CCDC24: variants seen among roughly 807,000 people sequenced by gnomAD.
The protein encoded by CCDC24 is coiled-coil domain containing 24.
A neutral mutation model predicts 31.6 loss-of-function variants in CCDC24; 34 were observed. The observed-to-expected ratio is 1.08, with a 90% CI of 0.82 to 1.43. The LOEUF is 1.43. Ranked by LOEUF, CCDC24 falls within the 40% of genes most tolerant of loss-of-function variation. CCDC24 has a pLI of 0.00. For missense variants in CCDC24, 426 were observed against 391.1 expected, an observed-to-expected ratio of 1.09 and a Z score of -0.75; for synonymous variants, 175 against 157.3, an observed-to-expected ratio of 1.11 and a Z score of -0.84.
At chr1:43,993,277 C>G (rs558124499) in intron 4 of CCDC24, among the ~76,000 whole-genome samples, 115 of 101,190 alleles carry the variant, frequency 1.1e-3, no homozygotes, top group African/African-American at 3.1e-3. Flanking sequence ...CCCATCTTTA[C>G]AAAAAGTGAA....
In CCDC24 at chr1:43,995,993, G is replaced by A. The variant is rs762726501; in HGVS notation, c.757G>A (p.Gly253Arg). The change falls in exon 9 of 9, where the codon GGG becomes AGG. Residue 253 changes from glycine to arginine, a missense_variant. Coordinates refer to ENST00000372318, the MANE Select transcript of CCDC24 (RefSeq NM_152499.4). This position sits in a 1 kb window ranked among gnomAD's most constrained non-coding sequence, Gnocchi z 4.3. Reference protein sequence around the residue: ...QGLRPPLPLCGVAPLQCCLPA... With the variant: ...QGLRPPLPLCRVAPLQCCLPA... Reference sequence around the variant, plus strand: ...CCTCAGACCCCCGCTTCCCCTCTGCGGGGTTGCACCTCTCCAGTGCTGCCT... The same window carrying A: ...CCTCAGACCCCCGCTTCCCCTCTGCAGGGTTGCACCTCTCCAGTGCTGCCT... 1.2e-5 allele frequency: 19 copies of A among 1,614,164 alleles called. No individual in the cohort carries two copies. The East Asian group carries it at 1.3e-4, about 11-fold the overall frequency.
intron 5 of CCDC24, 88 bp downstream of exon 5, chr1:43,994,052 G>A: frequency 1.6e-6 from 2 of 1,214,430 alleles, no homozygotes; most frequent in South Asian, 1.3e-5. Flanking sequence ...ACAGGAGGTG[G>A]GTAGTATACT....
In CCDC24 at chr1:43,992,617, C is replaced by T. The variant is rs757827373; in HGVS notation, c.397C>T (p.Gln133Ter). Residue 133 changes from glutamine (Q) to a stop codon, truncating the protein, a stop_gained, in exon 4 of 9, where the codon CAG becomes TAG. Transcript: ENST00000372318. LOFTEE classifies it high-confidence loss of function. ...RCDLPEQEIFQMRGGGPSSGH... is the reference protein window; with the variant it reads ...RCDLPEQEIF Reference sequence around the variant, plus strand: ...TGATTTGCCAGAACAGGAGATATTCCAGATGAGAGGTGGTGGGCCCAGGTA... The same window carrying T: ...TGATTTGCCAGAACAGGAGATATTCTAGATGAGAGGTGGTGGGCCCAGGTA... The T allele has an allele frequency of 7.4e-6, 12 of 1,614,070 alleles. No individual in the cohort carries two copies. The Admixed American group carries it at 2.0e-4, about 27-fold the overall frequency.
intron 4 of CCDC24, 47 bp from the exon 5 acceptor site, chr1:43,993,840 G>T (rs1372751853): frequency 1.3e-6 from 2 of 1,577,522 alleles, no homozygotes; most frequent in Non-Finnish European, 8.7e-7. Context: ...GGTCCTGAAG[G>T]CCTGGGGTGA....
In CCDC24 at chr1:43,995,967, G is replaced by A; in HGVS notation, c.731G>A (p.Gly244Asp). ...RQRPLGSSTQ[G>D]LRPPLPLCGV... Reference sequence around the variant, plus strand: ...CGGCCCTTGGGGTCCTCCACACAGGGCCTCAGACCCCCGCTTCCCCTCTGC... The same window carrying A: ...CGGCCCTTGGGGTCCTCCACACAGGACCTCAGACCCCCGCTTCCCCTCTGC... Residue 244 changes from glycine to aspartate, a missense_variant, in exon 9 of 9, where the codon GGC becomes GAC. Physicochemically the swap from Gly to Asp is moderately conservative, Grantham distance 94. Transcript: ENST00000372318. This position sits in a 1 kb window ranked among gnomAD's most constrained non-coding sequence, Gnocchi z 4.3. 6.2e-7 allele frequency: 1 copy of A among 1,614,154 alleles called. No homozygotes were observed. The highest frequency in any genetic ancestry group is 8.5e-7 in the Non-Finnish European group (1 of 1,180,012).
At chr1:43,993,996 G>A in intron 5 of CCDC24, 32 bp downstream of exon 5, 1 of 1,587,964 alleles carries the variant, frequency 6.3e-7, no homozygotes, top group Non-Finnish European at 8.6e-7. Flanking sequence ...ATGTGTATAG[G>A]CAGGGGTGGA....
intron 1 of CCDC24, 36 bp downstream of exon 1, chr1:43,991,782 C>G (rs1314273192): frequency 4.8e-6 from 7 of 1,462,168 alleles, no homozygotes; most frequent in Non-Finnish European, 6.5e-6. Context: ...CATAGAGGGG[C>G]GGGGTTTGGT....
At position 43,995,013 on chromosome 1, in the gene CCDC24, C is replaced by T; in HGVS notation, c.498-95C>T. 8.5e-7 allele frequency: 1 copy of T among 1,172,394 alleles called. No homozygotes were observed. Among genetic ancestry groups the T allele is most frequent in the Non-Finnish European group, 1.2e-6 (1 of 808,526 alleles). The allele number at this position is 1,172,394 out of a possible 1,614,324, so 72.6% of individuals were successfully genotyped here. A position where few individuals can be genotyped will look rare whatever the true frequency, so the allele number is the denominator to read the frequency against. The stretch of plus-strand genomic sequence containing the variant: ...CTGAGGAAGGACAGGTTGGGTGGGG[C>T]TCCTGCTGAGGCTGGAGGTTGGGGC... On this transcript the variant is annotated intron_variant, in intron 5 of 8. Transcript: ENST00000372318. The surrounding 1 kb of genome is among the most constrained non-coding windows in gnomAD (Gnocchi z 4.3).
chr1:43,991,891 T>TC lies in CCDC24; in HGVS notation c.18dup (p.Ser7LeufsTer60), dbSNP rs1165313775. 2.6e-6 allele frequency: 4 copies of TC among 1,550,840 alleles called. No individual in the cohort carries two copies. The highest frequency in any genetic ancestry group is 2.7e-5 in the African/African-American group (2 of 73,072). ...GCGTCGGTGGGTCATGCTCCGGCAC[T>TC]CCCCCTCGCTGTGGGAGCTGGTGGA... is the stretch of plus-strand genomic sequence containing the variant. On this transcript the variant is annotated frameshift_variant, in exon 2 of 9. Transcript: ENST00000372318. LOFTEE classifies it high-confidence loss of function.
chr1:43,993,916 A>G lies in CCDC24; in HGVS notation c.449A>G (p.Lys150Arg), dbSNP rs781517998. ...GGTCACAGAGATCTCAGCATCATCA[A>G]GGACCAACTGAACGTGTCCAACATT... ...SSGHRDLSII[K>R]DQLNVSNIDQ... The change falls in exon 5 of 9, where the codon AAG (lysine) becomes AGG (arginine). Residue 150 changes from lysine (K) to arginine (R), a missense_variant. By Grantham distance (26) the Lys-to-Arg change is conservative (BLOSUM62 2). Coordinates refer to ENST00000372318, the MANE Select transcript of CCDC24 (RefSeq NM_152499.4). The G allele has an allele frequency of 2.5e-6, 4 of 1,614,086 alleles. No individual in the cohort carries two copies. The highest frequency in any genetic ancestry group is 3.4e-6 in the Non-Finnish European group (4 of 1,180,046).
chr1:43,992,081 G>T, intron 2 of CCDC24, 77 bp downstream of exon 2: 1 of 1,496,082 alleles, frequency 6.7e-7, no homozygotes, highest in Non-Finnish European at 8.9e-7. Context: ...CGGGTCCCTG[G>T]CCCTGCCGGG....
chr1:43,992,737 A>G lies in CCDC24; in HGVS notation c.419+98A>G, dbSNP rs911874266. The G allele has an allele frequency of 6.3e-6, 7 of 1,102,496 alleles. No homozygotes were observed. In the Admixed American group the frequency reaches 1.3e-4, roughly 21 times the overall value. The allele number at this position is 1,102,496 out of a possible 1,614,324, so 68.3% of individuals were successfully genotyped here. On this transcript the variant is annotated intron_variant, in intron 4 of 8. Transcript: ENST00000372318. ...TGGCTCCATGCAGGAGATTCCAGTC[A>G]CGGGCTGGGCACTTCCACCGCCACT...
At chr1:43,994,008 A>G (rs768000411) in intron 5 of CCDC24, 44 bp downstream of exon 5, 1 of 1,545,714 alleles carries the variant, frequency 6.5e-7, no homozygotes, top group East Asian at 2.2e-5. Flanking sequence ...AGGGGTGGAG[A>G]CAAGGATGGA....
At chr1:43,992,120 C>T (rs757613056) in intron 2 of CCDC24, 92 bp from the exon 3 acceptor site, 6 of 1,515,536 alleles carry the variant, frequency 4.0e-6, no homozygotes, top group Admixed American at 2.0e-5. Context: ...CCTGGTCTCC[C>T]CTTTGACTCC....
Position 43,995,238 on chromosome 1 carries a change from C to CTA in CCDC24, c.552+77_552+78insAT. 3 of 1,403,584 alleles carry CTA rather than the reference C, an allele frequency of 2.1e-6. No individual in the cohort carries two copies. The highest frequency in any genetic ancestry group is 1.2e-5 in the South Asian group (1 of 81,250). The allele number at this position is 1,403,584 out of a possible 1,614,324, so 86.9% of individuals were successfully genotyped here. ...TCTCACCTGGGTGAGACCCATGTAC[C>CTA]TGTGTGCATACATAGGTGCATGTAC... On this transcript the variant is annotated intron_variant, in intron 6 of 8. Transcript: ENST00000372318. This position sits in a 1 kb window ranked among gnomAD's most constrained non-coding sequence, Gnocchi z 4.3.
Position 43,995,517 on chromosome 1 carries a change from C to A in CCDC24, c.553-84C>A. 1 of 1,405,034 alleles carries A rather than the reference C, an allele frequency of 7.1e-7. No homozygotes were observed. Among genetic ancestry groups the A allele is most frequent in the Non-Finnish European group, 9.6e-7 (1 of 1,042,110 alleles). 87.0% of individuals were successfully genotyped at this position (1,405,034 alleles called of 1,614,324 possible). On this transcript the variant is annotated intron_variant, in intron 6 of 8. Coordinates refer to ENST00000372318, the MANE Select transcript of CCDC24 (RefSeq NM_152499.4). This position sits in a 1 kb window ranked among gnomAD's most constrained non-coding sequence, Gnocchi z 4.3. ...GGATGGGCTGAAGGGGCTGCACGGG[C>A]CTGCCCTGGGGATCTTGGCCTCTGT...
In CCDC24 at chr1:43,995,125, A is replaced by C. The variant is rs1036177943; in HGVS notation, c.515A>C (p.Glu172Ala). The C allele has an allele frequency of 6.3e-7, 1 of 1,583,106 alleles. No individual in the cohort carries two copies. Among genetic ancestry groups the C allele is most frequent in the Non-Finnish European group, 8.6e-7 (1 of 1,165,296 alleles). ...ARHLRGLLEE[E>A]CHTLEREILI... The stretch of plus-strand genomic sequence containing the variant: ...TGTCCCAGGGGCCTTCTGGAGGAGG[A>C]GTGTCACACCTTGGAGAGGGAGATC... Residue 172 changes from glutamate to alanine, a missense_variant, in exon 6 of 9, where the codon GAG becomes GCG. By Grantham distance (107) the Glu-to-Ala change is moderately radical. Transcript: ENST00000372318. The surrounding 1 kb of genome is among the most constrained non-coding windows in gnomAD (Gnocchi z 4.3).
chr1:43,992,358 T>C lies in CCDC24; in HGVS notation c.273T>C (p.Gly91=), dbSNP rs375596138. ...AGGAGCTCCGGCAGTTGCTCCAGGG[T>C]CTCCGCCACAAAGCCATCTGTGAGG... ...LRQELRQLLQ[G]LRHKAICEGR... is the part of the protein sequence containing the mutation. The change falls in exon 3 of 9, where the codon GGT becomes GGC. Residue 91 remains glycine, a synonymous_variant. Transcript: ENST00000372318. 1.2e-5 allele frequency: 20 copies of C among 1,613,920 alleles called. No individual in the cohort carries two copies. The highest frequency in any genetic ancestry group is 1.7e-5 in the Non-Finnish European group (20 of 1,180,006).
Position 43,995,488 on chromosome 1 carries a change from C to A in CCDC24, c.553-113C>A. ...TCCCTGGGGAACGTGGCTGCCCTCA[C>A]GGTGGATGGGCTGAAGGGGCTGCAC... On this transcript the variant is annotated intron_variant, in intron 6 of 8. Coordinates refer to ENST00000372318, the MANE Select transcript of CCDC24 (RefSeq NM_152499.4). The surrounding 1 kb of genome is among the most constrained non-coding windows in gnomAD (Gnocchi z 4.3). The A allele has an allele frequency of 7.5e-6, 9 of 1,197,032 alleles. No individual in the cohort carries two copies. Among genetic ancestry groups the A allele is most frequent in the Non-Finnish European group, 1.0e-5 (9 of 866,586 alleles). 74.2% of individuals were successfully genotyped at this position (1,197,032 alleles called of 1,614,324 possible).
Sources: gnomAD v4.1 joint callset for allele counts (sites outside exome capture counted in the v4.1 genomes callset) on GRCh38, gnomAD v4.1.1 for gene constraint, Gnocchi (gnomAD v3.1) non-coding constraint, MANE v1.5 for transcripts, NCBI Gene and HGNC (gene_info 2026-07-23, HGNC 2026-07-21) for gene names.